The following ARHGEF3 variants were observed in gnomAD, a reference collection of about 807,000 sequenced individuals.
ARHGEF3 encodes Rho guanine nucleotide exchange factor 3, also known as 59.8 kDA protein.
A neutral mutation model predicts 63.2 loss-of-function variants in ARHGEF3; 28 were observed. That is an observed-to-expected ratio of 0.44 (90% confidence interval 0.33 to 0.61). The LOEUF (loss-of-function observed/expected upper bound fraction) is 0.61. Ranked by LOEUF, ARHGEF3 falls within the 20% of genes least tolerant of loss-of-function variation. The pLI, the probability that ARHGEF3 is intolerant of heterozygous loss-of-function variation, is 0.03. For synonymous variants in ARHGEF3, 266 were observed against 254.2 expected, an observed-to-expected ratio of 1.05 and a Z score of -0.44; for missense variants, 533 against 659.3, an observed-to-expected ratio of 0.81 and a Z score of 2.10.
At chr3:57,030,113 C>T (rs564519094) in intron 2 of ARHGEF3, among the ~76,000 whole-genome samples, 2 of 152,328 alleles carry the variant, frequency 1.3e-5, no homozygotes, top group East Asian at 3.9e-4. Flanking sequence ...AGCATGAAAA[C>T]TGCCTGCAGC....
chr3:56,919,694 G>T (rs2042075725), intron 3 of ARHGEF3, among the ~76,000 whole-genome samples: 1 of 152,170 alleles, frequency 6.6e-6, no homozygotes, highest in African/African-American at 2.4e-5. Flanking sequence ...TGAAACCACA[G>T]CGACTAAGGA....
At chr3:56,936,727 T>C (rs1240547109) in intron 3 of ARHGEF3, among the ~76,000 whole-genome samples, 3 of 152,132 alleles carry the variant, frequency 2.0e-5, no homozygotes, top group Non-Finnish European at 2.9e-5. Context: ...CAAAGTTCCA[T>C]GGGTTTTTTT....
chr3:56,923,475 T>A (rs2042204070), intron 3 of ARHGEF3, among the ~76,000 whole-genome samples: 1 of 152,162 alleles, frequency 6.6e-6, no homozygotes, highest in Non-Finnish European at 1.5e-5. Flanking sequence ...CTATCCTGAT[T>A]TGACTGTCAA....
At chr3:56,994,067 A>AAAAAAAAAAAAAAAAAAAAAAC in intron 2 of ARHGEF3, among the ~76,000 whole-genome samples, 1 of 93,442 alleles carries the variant, frequency 1.1e-5, no homozygotes, top group Non-Finnish European at 2.3e-5. Context: ...TTCGTCTCAA[A>AAAAAAAAAAAAAAAAAAAAAAC]AAAAAAAAAA....
At chr3:57,035,162 G>A in exon 2 of ARHGEF3, 1 of 1,511,436 alleles carries the variant, frequency 6.6e-7, no homozygotes, top group South Asian at 1.3e-5. Context: ...ACTCAGTATG[G>A]CAGGCTCAGG....
At chr3:56,767,953 G>C (rs1169265290) in intron 2 of ARHGEF3, among the ~76,000 whole-genome samples, 2 of 151,910 alleles carry the variant, frequency 1.3e-5, no homozygotes, top group Non-Finnish European at 2.9e-5. Context: ...TCACCATGTT[G>C]GCCAGGCTGG....
intron 2 of ARHGEF3, among the ~76,000 whole-genome samples, chr3:56,767,814 T>G (rs2035792718): frequency 6.6e-6 from 1 of 151,860 alleles, no homozygotes; most frequent in Non-Finnish European, 1.5e-5. Context: ...TGGCATGATC[T>G]CAGCTCACTG....
At chr3:56,863,200 C>T (rs575854362) in intron 4 of ARHGEF3, among the ~76,000 whole-genome samples, 3 of 151,808 alleles carry the variant, frequency 2.0e-5, no homozygotes, top group Admixed American at 6.6e-5. Flanking sequence ...TGCAGTGGCG[C>T]GATCTCGGCA....
At chr3:56,880,121 G>T (rs984976802) in intron 4 of ARHGEF3, among the ~76,000 whole-genome samples, 2 of 152,138 alleles carry the variant, frequency 1.3e-5, no homozygotes, top group African/African-American at 4.8e-5. Context: ...AATACTATGT[G>T]GCAATAAATG....
At chr3:57,049,275 G>A (rs1579166595) in intron 1 of ARHGEF3, among the ~76,000 whole-genome samples, 1 of 152,278 alleles carries the variant, frequency 6.6e-6, no homozygotes, top group East Asian at 1.9e-4. Context: ...AGGCTGAAGT[G>A]GGAGGACTGC....
intron 7 of ARHGEF3, among the ~76,000 whole-genome samples, chr3:56,742,332 C>A (rs549684160): frequency 6.6e-6 from 1 of 152,258 alleles, no homozygotes; most frequent in East Asian, 1.9e-4. Context: ...TTAAGAAGTT[C>A]TCTTTTGAGA....
At chr3:56,918,963 C>T (rs918300688) in intron 3 of ARHGEF3, among the ~76,000 whole-genome samples, 1 of 151,856 alleles carries the variant, frequency 6.6e-6, no homozygotes, top group African/African-American at 2.4e-5. Context: ...TTTTCTATCC[C>T]GATCCCATTT....
intron 4 of ARHGEF3, 150 bp downstream of exon 4, chr3:56,753,354 T>C: frequency 1.5e-6 from 1 of 676,278 alleles, no homozygotes; most frequent in Non-Finnish European, 2.5e-6. Flanking sequence ...TGCCCTCTTG[T>C]TTTGAAACAC....
intron 8 of ARHGEF3, among the ~76,000 whole-genome samples, chr3:56,733,907 C>T (rs1422439340): frequency 1.3e-5 from 2 of 149,438 alleles, no homozygotes. Flanking sequence ...CTGCTTGAAC[C>T]CAGGAGGTGG....
At chr3:56,813,655 A>G (rs1031838818) in intron 4 of ARHGEF3, among the ~76,000 whole-genome samples, 4 of 152,224 alleles carry the variant, frequency 2.6e-5, no homozygotes, top group Admixed American at 6.5e-5. Context: ...AGAGCTCAAA[A>G]ACTAAAAGGA....
intron 2 of ARHGEF3, among the ~76,000 whole-genome samples, chr3:56,998,844 C>G (rs1702085584): frequency 6.6e-6 from 1 of 152,166 alleles, no homozygotes. Flanking sequence ...CAGCAGATAC[C>G]CTGAAGCAGA....
intron 5 of ARHGEF3, 41 bp from the exon 6 acceptor site, chr3:56,751,173 A>T (rs772709781): frequency 1.2e-6 from 2 of 1,600,822 alleles, no homozygotes; most frequent in African/African-American, 1.3e-5. Flanking sequence ...TAGGCATTCA[A>T]ATATGAACAG....
chr3:57,027,821 T>G (rs1703538623), intron 2 of ARHGEF3, among the ~76,000 whole-genome samples: 1 of 152,094 alleles, frequency 6.6e-6, no homozygotes, highest in Non-Finnish European at 1.5e-5. Flanking sequence ...ATCACGCCAT[T>G]GCACTCCAGC....
In ARHGEF3 at chr3:57,017,030, T is replaced by A. The variant is rs113242196; in HGVS notation, c.62+18058A>T. ...GTCTCTCTCTCTCTCTCTCTCTCTC[T>A]CTCACACACACACACACACACACAC... On this transcript the variant is annotated intron_variant, in intron 2 of 12. Coordinates refer to the ARHGEF3 transcript ENST00000338458. 8.0e-3 allele frequency among the ~76,000 whole-genome samples: 544 copies of A among 67,698 alleles called. 4 individuals are homozygous for A. The highest frequency in any genetic ancestry group is 0.014 in the Middle Eastern group (2 of 144). 44.4% of individuals were successfully genotyped at this position (67,698 alleles called of 152,430 possible).
Sources: allele counts gnomAD v4.1 joint callset (sites outside exome capture counted in the v4.1 genomes callset), GRCh38; gene constraint gnomAD v4.1.1; transcripts MANE v1.5; gene names NCBI Gene and HGNC (gene_info 2026-07-23, HGNC 2026-07-21).